PIGK: variants seen among roughly 807,000 people sequenced by gnomAD.
The protein encoded by PIGK is phosphatidylinositol glycan anchor biosynthesis class K.
Under a neutral mutation model 50.6 loss-of-function variants are expected in PIGK, and 42 were observed. That is an observed-to-expected ratio of 0.83 (90% CI 0.65 to 1.07). The LOEUF is 1.07. Among genes scored for constraint, PIGK ranks in the 50% least tolerant of loss-of-function variants. The pLI, the probability that PIGK is intolerant of heterozygous loss-of-function variation, is 0.00. For synonymous variants in PIGK, 151 were observed against 156.0 expected (o/e 0.97, Z 0.24); for missense variants, 448 against 488.7 (o/e 0.92, Z 0.78).
intron 10 of PIGK, among the ~76,000 whole-genome samples, chr1:77,115,938 T>C (rs532241591): frequency 5.5e-4 from 83 of 152,246 alleles, no homozygotes; most frequent in African/African-American, 1.8e-3. Context: ...GTCTTGTATC[T>C]GAAATAGGGG....
At chr1:77,208,711 T>A (rs1255754020) in intron 2 of PIGK, among the ~76,000 whole-genome samples, 1 of 152,102 alleles carries the variant, frequency 6.6e-6, no homozygotes, top group Non-Finnish European at 1.5e-5. Context: ...ATATAAGAGG[T>A]TTTTTTCTTG....
chr1:77,124,496 C>A (rs1001524394), intron 9 of PIGK, among the ~76,000 whole-genome samples: 1 of 151,974 alleles, frequency 6.6e-6, no homozygotes. Flanking sequence ...GTAGTCCCAG[C>A]TGCTTGGGAG....
chr1:77,197,090 G>A (rs1026996435), intron 3 of PIGK, among the ~76,000 whole-genome samples: 1 of 152,108 alleles, frequency 6.6e-6, no homozygotes, highest in Admixed American at 6.6e-5. Flanking sequence ...GTAAGTTAAT[G>A]CTAAACCAAT....
At chr1:77,171,547 C>T (rs553589173) in intron 3 of PIGK, among the ~76,000 whole-genome samples, 2 of 149,366 alleles carry the variant, frequency 1.3e-5, no homozygotes, top group African/African-American at 4.9e-5. Context: ...TATATAATGT[C>T]AATATCAATC....
chr1:77,148,746 T>G (rs1048475741), intron 9 of PIGK, among the ~76,000 whole-genome samples: 5 of 151,532 alleles, frequency 3.3e-5, no homozygotes, highest in Non-Finnish European at 4.4e-5. Flanking sequence ...GACAGAGTCT[T>G]GCTCTGTCGC....
chr1:77,106,025 A>G (rs916065682), intron 10 of PIGK, among the ~76,000 whole-genome samples: 1 of 152,248 alleles, frequency 6.6e-6, no homozygotes, highest in African/African-American at 2.4e-5. Context: ...TAAAAATCCA[A>G]AAAGTACATT....
At chr1:77,176,967 T>C (rs1214783817) in intron 3 of PIGK, among the ~76,000 whole-genome samples, 1 of 152,226 alleles carries the variant, frequency 6.6e-6, no homozygotes, top group Non-Finnish European at 1.5e-5. Context: ...CAATGTTTGG[T>C]TTGTCAAACC....
chr1:77,151,037 C>A (rs1473522911), intron 9 of PIGK, among the ~76,000 whole-genome samples: 1 of 151,972 alleles, frequency 6.6e-6, no homozygotes, highest in African/African-American at 2.4e-5. Context: ...GGCCACCACA[C>A]ACACACATAA....
At chr1:77,192,994 T>C (rs956738962) in intron 3 of PIGK, among the ~76,000 whole-genome samples, 1 of 152,112 alleles carries the variant, frequency 6.6e-6, no homozygotes, top group African/African-American at 2.4e-5. Context: ...ACTTTAAATA[T>C]ATAAGTTAAC....
intron 9 of PIGK, among the ~76,000 whole-genome samples, chr1:77,126,939 T>C (rs374443994): frequency 1.3e-5 from 2 of 152,148 alleles, no homozygotes; most frequent in East Asian, 3.8e-4. Flanking sequence ...GGTCCTTCAC[T>C]AAGAAAATCT....
At chr1:77,150,848 G>A (rs543959062) in intron 9 of PIGK, among the ~76,000 whole-genome samples, 2 of 151,982 alleles carry the variant, frequency 1.3e-5, no homozygotes, top group Non-Finnish European at 2.9e-5. Flanking sequence ...GATCAAAATA[G>A]TAGTAAAAAA....
chr1:77,199,395 G>A (rs1416849971), intron 3 of PIGK, among the ~76,000 whole-genome samples: 1 of 151,974 alleles, frequency 6.6e-6, no homozygotes, highest in African/African-American at 2.4e-5. Flanking sequence ...AGAAAAAACT[G>A]TTGAGAAGTG....
intron 10 of PIGK, among the ~76,000 whole-genome samples, chr1:77,093,002 T>C (rs879929719): frequency 2.0e-5 from 3 of 152,044 alleles, no homozygotes; most frequent in African/African-American, 7.2e-5. Flanking sequence ...CACACACTTG[T>C]TTAAGTGCCA....
intron 3 of PIGK, among the ~76,000 whole-genome samples, chr1:77,188,908 A>C (rs1655822025): frequency 6.6e-6 from 1 of 152,238 alleles, no homozygotes; most frequent in African/African-American, 2.4e-5. Context: ...TGCTGAAGGC[A>C]AAAGGAATAC....
intron 9 of PIGK, among the ~76,000 whole-genome samples, chr1:77,126,526 T>C (rs770897599): frequency 1.8e-4 from 28 of 152,120 alleles, no homozygotes; most frequent in Non-Finnish European, 3.8e-4. Context: ...CTTGTTCCCA[T>C]AGTGCCCTTA....
At chr1:77,217,174 T>C (rs936870752) in intron 1 of PIGK, among the ~76,000 whole-genome samples, 1 of 152,212 alleles carries the variant, frequency 6.6e-6, no homozygotes, top group East Asian at 1.9e-4. Context: ...TGGGCAAAAA[T>C]AGCCATAGTA....
intron 9 of PIGK, among the ~76,000 whole-genome samples, chr1:77,141,464 C>T (rs1404733448): frequency 1.3e-5 from 2 of 152,086 alleles, no homozygotes; most frequent in Admixed American, 1.3e-4. Flanking sequence ...AAGCTGCACG[C>T]TTCCCTTAGT....
chr1:77,091,508 C>T lies in PIGK; in HGVS notation c.*866G>A, dbSNP rs1653297280. 1 of 152,110 alleles carries T rather than the reference C, an allele frequency of 6.6e-6. No individual in the cohort carries two copies. The allele number at this position is 152,110 out of a possible 1,614,324, so 9.4% of individuals were successfully genotyped here. On this transcript the variant is annotated 3_prime_UTR_variant, in exon 11 of 11. Transcript: ENST00000370812. The stretch of plus-strand genomic sequence containing the variant: ...TAAAGTCCTTGTTGGCTCTCTCTTT[C>T]AAGATGGAAAATGAAGAGGACGTGA...
rs369850068 is a variant in PIGK, at chr1:77,134,599, G to A, written c.987-12240C>T. ...CCTTTGGTCTACTCCCAGAATTGGC[G>A]AATGATTACAGAGAAAAATTGGCTA... On this transcript the variant is annotated intron_variant, in intron 9 of 10. Transcript: ENST00000370812. Among the ~76,000 whole-genome samples the A allele has an allele frequency of 7.2e-5, 11 of 152,144 alleles. No individual in the cohort carries two copies. In the East Asian group the frequency reaches 7.7e-4, roughly 11 times the overall value.
Sources: allele counts gnomAD v4.1 joint callset (sites outside exome capture counted in the v4.1 genomes callset), GRCh38; gene constraint gnomAD v4.1.1; transcripts MANE v1.5; gene names NCBI Gene and HGNC (gene_info 2026-07-23, HGNC 2026-07-21).